Variants in SLIT3 observed in about 807,000 individuals in gnomAD.
The protein encoded by SLIT3 is slit homolog 3 protein.
Under a neutral mutation model 184.0 loss-of-function variants are expected in SLIT3, and 68 were observed. That is an observed-to-expected ratio of 0.37 (90% confidence interval 0.30 to 0.45). The LOEUF is 0.45. Ranked by LOEUF, SLIT3 falls within the 20% of genes least tolerant of loss-of-function variation. The pLI, the probability that SLIT3 is intolerant of heterozygous loss-of-function variation, is 1.00. For missense variants in SLIT3, 1,707 were observed against 2,026.0 expected, an observed-to-expected ratio of 0.84 and a Z score of 3.02; for synonymous variants, 831 against 828.6, an observed-to-expected ratio of 1.00 and a Z score of -0.05.
intron 3 of SLIT3, 146 bp from the exon 4 acceptor site, chr5:169,193,696 T>C (rs576180700): frequency 1.4e-6 from 1 of 716,820 alleles, no homozygotes; most frequent in South Asian, 1.5e-5. Flanking sequence ...TCAACACATG[T>C]AAGGTATATT....
chr5:168,934,963 A>C (rs1302497303), intron 4 of SLIT3, among the ~76,000 whole-genome samples: 1 of 125,224 alleles, frequency 8.0e-6, no homozygotes, highest in African/African-American at 3.2e-5. Context: ...CCCCATCTCT[A>C]CTAAAAAAAA....
At chr5:169,123,088 A>T (rs956526239) in intron 4 of SLIT3, among the ~76,000 whole-genome samples, 6 of 152,284 alleles carry the variant, frequency 3.9e-5, no homozygotes, top group African/African-American at 7.2e-5. Flanking sequence ...TGAAAAAACC[A>T]TGCATGGATT....
chr5:169,260,350 T>TG (rs1766120566), intron 1 of SLIT3, among the ~76,000 whole-genome samples: 1 of 152,118 alleles, frequency 6.6e-6, no homozygotes, highest in Non-Finnish European at 1.5e-5. Flanking sequence ...GCTTTCCACC[T>TG]GAATGGGCCA....
chr5:168,750,128 T>C (rs1444932550), intron 18 of SLIT3, among the ~76,000 whole-genome samples: 1 of 152,174 alleles, frequency 6.6e-6, no homozygotes, highest in East Asian at 1.9e-4. Flanking sequence ...GTGACTGGTT[T>C]CTGTGCTCGC....
At chr5:168,817,501 GGTGA>G in intron 7 of SLIT3, 38 bp from the exon 8 acceptor site, 2 of 1,608,144 alleles carry the variant, frequency 1.2e-6, no homozygotes, top group Non-Finnish European at 8.5e-7. Flanking sequence ...CATGGTCACA[GGTGA>G]AGTGTGGAGG....
intron 4 of SLIT3, among the ~76,000 whole-genome samples, chr5:169,155,390 A>G (rs1762268695): frequency 6.6e-6 from 1 of 152,188 alleles, no homozygotes; most frequent in East Asian, 1.9e-4. Flanking sequence ...ATGCAACATC[A>G]TGCATAATTT....
At chr5:169,070,623 A>T (rs1156605351) in intron 4 of SLIT3, among the ~76,000 whole-genome samples, 1 of 152,278 alleles carries the variant, frequency 6.6e-6, no homozygotes, top group African/African-American at 2.4e-5. Flanking sequence ...ATGTTTGCCA[A>T]CTGGGAGGAC....
chr5:168,839,257 T>G (rs1343559282), intron 6 of SLIT3, among the ~76,000 whole-genome samples: 1 of 152,092 alleles, frequency 6.6e-6, no homozygotes, highest in African/African-American at 2.4e-5. Context: ...AAGCACCTGC[T>G]CACTTCAAGC....
chr5:169,197,375 A>G (rs565478141), intron 3 of SLIT3, among the ~76,000 whole-genome samples: 1 of 152,242 alleles, frequency 6.6e-6, no homozygotes, highest in East Asian at 1.9e-4. Context: ...TACTGAGTAA[A>G]TATGGGCCTG....
At chr5:168,810,176 C>T (rs1171544200) in intron 8 of SLIT3, among the ~76,000 whole-genome samples, 7 of 152,174 alleles carry the variant, frequency 4.6e-5, no homozygotes, top group South Asian at 2.1e-4. Flanking sequence ...CCTTTTTACC[C>T]AGCAAATTAT....
At chr5:168,952,566 G>A (rs527421139) in intron 4 of SLIT3, among the ~76,000 whole-genome samples, 5 of 111,328 alleles carry the variant, frequency 4.5e-5, no homozygotes, top group African/African-American at 2.1e-4. Flanking sequence ...GAAGGCAAAG[G>A]GATTTAAAAA....
At chr5:168,697,539 C>T (rs572715324) in intron 27 of SLIT3, among the ~76,000 whole-genome samples, 7 of 152,290 alleles carry the variant, frequency 4.6e-5, no homozygotes, top group Admixed American at 4.6e-4. Context: ...TATGAGTGTG[C>T]GCTTCAGCTT....
At chr5:169,125,848 G>T (rs943993496) in intron 4 of SLIT3, among the ~76,000 whole-genome samples, 8 of 152,204 alleles carry the variant, frequency 5.3e-5, no homozygotes, top group Admixed American at 5.2e-4. Context: ...GGGAACAGGG[G>T]CTCACATTTC....
intron 4 of SLIT3, among the ~76,000 whole-genome samples, chr5:168,950,682 G>T (rs991548877): frequency 5.4e-4 from 82 of 152,244 alleles, no homozygotes; most frequent in African/African-American, 2.0e-3. Flanking sequence ...TAATAAAGAG[G>T]GGGAAAACCC....
intron 20 of SLIT3, among the ~76,000 whole-genome samples, chr5:168,729,622 C>A (rs983033971): frequency 9.2e-5 from 14 of 151,886 alleles, no homozygotes; most frequent in Non-Finnish European, 2.1e-4. Flanking sequence ...CTAGAGCAAC[C>A]CTATAGGAAA....
intron 8 of SLIT3, among the ~76,000 whole-genome samples, chr5:168,809,574 G>A (rs1031866872): frequency 3.0e-4 from 45 of 152,170 alleles, no homozygotes; most frequent in African/African-American, 1.0e-3. Flanking sequence ...GTGGGCCACG[G>A]AGAGCTAGAT....
intron 4 of SLIT3, among the ~76,000 whole-genome samples, chr5:168,977,472 G>T (rs184280985): frequency 2.9e-4 from 44 of 152,234 alleles, no homozygotes; most frequent in Admixed American, 2.0e-3. Flanking sequence ...GTACAATCTG[G>T]TAGGACTATC....
intron 14 of SLIT3, among the ~76,000 whole-genome samples, chr5:168,767,726 G>A (rs113749120): frequency 6.6e-6 from 1 of 152,162 alleles, no homozygotes; most frequent in Non-Finnish European, 1.5e-5. Context: ...GGGAGGGGTC[G>A]GGGGTCACAA....
chr5:169,193,565 G>T lies in SLIT3; in HGVS notation c.342-15C>A. On this transcript the variant is annotated splice_polypyrimidine_tract_variant and intron_variant, in intron 3 of 35. Transcript: ENST00000519560. ...TGTTCAGGCGCCTAAAGAGGAAAGAGAATGGAAGGATGTCAAGGGGACATT... is the reference window on the plus strand; with the variant it reads ...TGTTCAGGCGCCTAAAGAGGAAAGATAATGGAAGGATGTCAAGGGGACATT... 6.2e-7 allele frequency: 1 copy of T among 1,606,258 alleles called. No individual in the cohort carries two copies. The highest frequency in any genetic ancestry group is 8.5e-7 in the Non-Finnish European group (1 of 1,172,858).
Sources: gnomAD v4.1 joint callset for allele counts (sites outside exome capture counted in the v4.1 genomes callset) on GRCh38, gnomAD v4.1.1 for gene constraint, MANE v1.5 for transcripts, NCBI Gene and HGNC (gene_info 2026-07-23, HGNC 2026-07-21) for gene names.